COPA: variants seen among roughly 807,000 people sequenced by gnomAD.
COPA encodes the protein coatomer subunit alpha.
Under a neutral mutation model 158.7 loss-of-function variants are expected in COPA, and 10 were observed. That is an observed-to-expected ratio of 0.06 (90% CI 0.04 to 0.11). The LOEUF (loss-of-function observed/expected upper bound fraction) is 0.11, where lower values mean the gene tolerates loss of function less well. Among genes scored for constraint, COPA ranks in the 10% least tolerant of loss-of-function variants. The pLI is 1.00. For missense variants in COPA, 1,065 were observed against 1,536.7 expected, an observed-to-expected ratio of 0.69 and a Z score of 5.13; for synonymous variants, 462 against 542.8, an observed-to-expected ratio of 0.85 and a Z score of 2.07.
intron 17 of COPA, among the ~76,000 whole-genome samples, chr1:160,300,111 G>A (rs1046186555): frequency 1.3e-5 from 2 of 151,902 alleles, no homozygotes; most frequent in East Asian, 3.9e-4. Flanking sequence ...AGGCCGAGGC[G>A]GGTAGATCAC....
intron 4 of COPA, 108 bp downstream of exon 4, chr1:160,335,134 A>T (rs1647698812): frequency 1.1e-6 from 1 of 928,316 alleles, no homozygotes; most frequent in Non-Finnish European, 1.6e-6. Flanking sequence ...TAGAAGAGCC[A>T]CTCCAAAAAC....
chr1:160,330,240 C>A (rs1295250316), intron 6 of COPA, among the ~76,000 whole-genome samples: 1 of 151,816 alleles, frequency 6.6e-6, no homozygotes, highest in Non-Finnish European at 1.5e-5. Flanking sequence ...CAGTGAAAAA[C>A]CATGGAAAGC....
intron 3 of COPA, among the ~76,000 whole-genome samples, chr1:160,335,548 GGGGTTGGGGTAGGATTA>G (rs1325351146): frequency 6.6e-6 from 1 of 152,122 alleles, no homozygotes; most frequent in Non-Finnish European, 1.5e-5. Flanking sequence ...TAAACAACAT[GGGGTTGGGGTAGGATTA>G]GGGAAAAGCT....
At chr1:160,313,258 T>G (rs1659027008) in intron 9 of COPA, 91 bp from the exon 10 acceptor site, 1 of 1,138,598 alleles carries the variant, frequency 8.8e-7, no homozygotes, top group African/African-American at 1.5e-5. Context: ...GCCAGCAAGC[T>G]GATTAAAATG....
chr1:160,288,979 CT>C lies in COPA; in HGVS notation c.*1177del, dbSNP rs34892399. Among the ~76,000 whole-genome samples, 2 of 150,928 alleles carry C rather than the reference CT, an allele frequency of 1.3e-5. No individual in the cohort carries two copies. Among genetic ancestry groups the C allele is most frequent in the Non-Finnish European group, 3.0e-5 (2 of 67,682 alleles). On this transcript the variant is annotated 3_prime_UTR_variant, in exon 33 of 33. Coordinates refer to ENST00000241704, the MANE Select transcript of COPA (RefSeq NM_004371.4). ...AAAACATGTGCTTCTTTTTTTCTTTCTTTTTTTTTGAGATGGAGTCTCACTC... is the reference window on the plus strand; with the variant it reads ...AAAACATGTGCTTCTTTTTTTCTTTCTTTTTTTTGAGATGGAGTCTCACTC...
chr1:160,304,393 C>T (rs180689880), intron 17 of COPA, among the ~76,000 whole-genome samples: 322 of 150,384 alleles, frequency 2.1e-3, no homozygotes, highest in African/African-American at 7.2e-3. Context: ...CAGCTGGGCG[C>T]GGTGGCTCAC....
At chr1:160,303,519 C>T (rs1433931462) in intron 17 of COPA, among the ~76,000 whole-genome samples, 1 of 152,106 alleles carries the variant, frequency 6.6e-6, no homozygotes. Context: ...TACCTCACAC[C>T]ATACATAACT....
rs749278884 is a variant in COPA, at chr1:160,340,269, A to G, written c.66T>C (p.Pro22=). The stretch of plus-strand genomic sequence containing the variant: ...CATTATGTAAACTAGTCAGGATCCA[A>G]GGTCTTTTGGGGTGAAAGCTGAGCC... ...VKGLSFHPKR[P]WILTSLHNGV... Residue 22 remains proline, a synonymous_variant, in exon 2 of 33, where the codon CCT becomes CCC. Transcript: ENST00000241704. The G allele has an allele frequency of 2.0e-5, 32 of 1,613,564 alleles. No homozygotes were observed. Among genetic ancestry groups the G allele is most frequent in the Non-Finnish European group, 2.5e-5 (30 of 1,179,868 alleles).
At chr1:160,337,376 T>A (rs1488068625) in intron 3 of COPA, among the ~76,000 whole-genome samples, 1 of 152,220 alleles carries the variant, frequency 6.6e-6, no homozygotes, top group African/African-American at 2.4e-5. Flanking sequence ...ATAATCCCCC[T>A]TTTTATGGAA....
chr1:160,333,996 C>G (rs777713603), intron 4 of COPA, among the ~76,000 whole-genome samples: 12 of 152,008 alleles, frequency 7.9e-5, no homozygotes, highest in Non-Finnish European at 1.5e-4. Context: ...TATTTATATA[C>G]AGTTAATCAT....
At chr1:160,323,045 A>G (rs1299434474) in intron 8 of COPA, among the ~76,000 whole-genome samples, 1 of 152,004 alleles carries the variant, frequency 6.6e-6, no homozygotes, top group African/African-American at 2.4e-5. Context: ...TATAAAAAAG[A>G]ATGAAATCCT....
chr1:160,330,991 T>G (rs2101869673), intron 6 of COPA, among the ~76,000 whole-genome samples: 1 of 151,748 alleles, frequency 6.6e-6, no homozygotes, highest in East Asian at 1.9e-4. Context: ...CTGGCCAACA[T>G]GGTGAAACCC....
At chr1:160,310,478 T>C (rs1438692640) in intron 11 of COPA, 6 of 340,270 alleles carry the variant, frequency 1.8e-5, no homozygotes, top group Middle Eastern at 1.6e-3. Flanking sequence ...AAGTAAGCCA[T>C]AGTAGAAGTC....
chr1:160,334,970 A>T (rs535303848), intron 4 of COPA, among the ~76,000 whole-genome samples: 6 of 152,366 alleles, frequency 3.9e-5, no homozygotes, highest in African/African-American at 1.2e-4. Flanking sequence ...TTTTTGGTTC[A>T]GCAAATCTGA....
intron 8 of COPA, among the ~76,000 whole-genome samples, chr1:160,317,891 T>G (rs1299741800): frequency 6.6e-6 from 1 of 152,206 alleles, no homozygotes; most frequent in Non-Finnish European, 1.5e-5. Context: ...TTTTTGGTGA[T>G]CAAGCCTCAG....
intron 17 of COPA, among the ~76,000 whole-genome samples, chr1:160,304,213 C>G (rs769079267): frequency 2.6e-5 from 4 of 151,274 alleles, no homozygotes; most frequent in Non-Finnish European, 4.4e-5. Context: ...AGGGTTTCTC[C>G]ATGTTGCTCA....
At chr1:160,304,197 GGA>G (rs1376453123) in intron 17 of COPA, among the ~76,000 whole-genome samples, 2 of 150,358 alleles carry the variant, frequency 1.3e-5, no homozygotes, top group Non-Finnish European at 3.0e-5. Context: ...TTTATTTTTA[GGA>G]GAGAGGGTTT....
At chr1:160,302,829 C>T (rs1249207491) in intron 17 of COPA, among the ~76,000 whole-genome samples, 3 of 152,006 alleles carry the variant, frequency 2.0e-5, no homozygotes, top group Non-Finnish European at 4.4e-5. Context: ...GCTGGGATTA[C>T]AGGCGTGAGC....
chr1:160,315,609 T>A lies in COPA; in HGVS notation c.707-1484A>T, dbSNP rs77134965. Among the ~76,000 whole-genome samples the A allele has an allele frequency of 4.4e-3, 663 of 152,278 alleles. 7 individuals carry two copies. The highest frequency in any genetic ancestry group is 0.015 in the African/African-American group (616 of 41,532). The stretch of plus-strand genomic sequence containing the variant: ...TCACCTAAAGCCAAAGAGGAGGAAG[T>A]GACCTAGCAGTACAGATTTGCTAAG... On this transcript the variant is annotated intron_variant, in intron 8 of 32. Transcript: ENST00000241704.
Sources: allele counts gnomAD v4.1 joint callset (sites outside exome capture counted in the v4.1 genomes callset), GRCh38; gene constraint gnomAD v4.1.1; transcripts MANE v1.5; gene names NCBI Gene and HGNC (gene_info 2026-07-23, HGNC 2026-07-21).